GLP2R: variants seen among roughly 807,000 people sequenced by gnomAD.
The protein encoded by GLP2R is glucagon like peptide 2 receptor.
GLP2R carries 59 observed loss-of-function variants against 68.2 expected under a neutral mutation model. The observed-to-expected ratio is 0.87, with a 90% confidence interval of 0.70 to 1.07. GLP2R has a LOEUF of 1.07. Ranked by LOEUF, GLP2R falls within the 50% of genes least tolerant of loss-of-function variation. The pLI is 0.00. For missense variants in GLP2R, 548 were observed against 677.4 expected, an observed-to-expected ratio of 0.81 and a Z score of 2.12; for synonymous variants, 270 against 265.4, an observed-to-expected ratio of 1.02 and a Z score of -0.17.
In GLP2R at chr17:9,887,962, G is replaced by T. The variant is rs1376844700; in HGVS notation, c.1315G>T (p.Ala439Ser). Reference sequence around the variant, plus strand: ...CCTGGTGGCCTTGCAGTATGGTTTTGCCAATGGAGAGGTATGATTTCCACG... The same window carrying T: ...CCTGGTGGCCTTGCAGTATGGTTTTTCCAATGGAGAGGTATGATTTCCACG... The part of the protein sequence containing the change: ...GFLVALQYGF[A>S]NGEVKAELRK... Residue 439 changes from alanine to serine, a missense_variant, in exon 12 of 13, where the codon GCC becomes TCC. By Grantham distance (99) the Ala-to-Ser change is moderately conservative. Transcript: ENST00000262441. 6.2e-7 allele frequency: 1 copy of T among 1,611,910 alleles called. No homozygotes were observed. The highest frequency in any genetic ancestry group is 1.1e-5 in the South Asian group (1 of 91,034).
At chr17:9,885,195 C>G (rs2067232766) in intron 11 of GLP2R, among the ~76,000 whole-genome samples, 1 of 148,070 alleles carries the variant, frequency 6.8e-6, no homozygotes, top group Non-Finnish European at 1.5e-5. Flanking sequence ...TTACCATTAT[C>G]ATTATCATTT....
At chr17:9,829,851 A>G (rs1007289046) in intron 1 of GLP2R, among the ~76,000 whole-genome samples, 17 of 152,220 alleles carry the variant, frequency 1.1e-4, no homozygotes, top group Non-Finnish European at 8.8e-5. Flanking sequence ...AGTGAAGTGT[A>G]TTCCTTCTCT....
chr17:9,827,524 G>T (rs1378122120), intron 1 of GLP2R, among the ~76,000 whole-genome samples: 1 of 152,220 alleles, frequency 6.6e-6, no homozygotes, highest in Non-Finnish European at 1.5e-5. Context: ...CGTTGGGCAT[G>T]CTGGTAGCTT....
rs145296340 is a variant in GLP2R at position 9,860,036 on chromosome 17, C to T, written c.860C>T (p.Thr287Met). The T allele has an allele frequency of 2.3e-3, 3,637 of 1,613,602 alleles. 5 individuals are homozygous for T. Among genetic ancestry groups the T allele is most frequent in the Non-Finnish European group, 2.9e-3 (3,403 of 1,179,798 alleles). ...CTGGTTGAAGGCCTCTACCTCCACA[C>T]GCTGCTGGAGCCCACAGTGCTTCCT... ...WLLVEGLYLH[T>M]LLEPTVLPER... Residue 287 changes from threonine (T) to methionine (M), a missense_variant, in exon 7 of 13, where the codon ACG (threonine) becomes ATG (methionine). Thr to Met is a moderately conservative substitution (Grantham distance 81, BLOSUM62 -1). Transcript: ENST00000262441.
rs111771263 is a variant in GLP2R at position 9,856,058 on chromosome 17, G to A, written c.612-1365G>A. 4.4e-3 allele frequency among the ~76,000 whole-genome samples: 670 copies of A among 152,310 alleles called. 7 individuals are homozygous for A. The highest frequency in any genetic ancestry group is 0.015 in the African/African-American group (633 of 41,554). ...CTGGGCTCTGCTAGCCCTGGGTTGG[G>A]CCTCATGTGACTCCTCAATCCTGAG... On this transcript the variant is annotated intron_variant, in intron 5 of 12. Transcript: ENST00000262441.
At chr17:9,853,807 A>T (rs977562597) in intron 4 of GLP2R, among the ~76,000 whole-genome samples, 2 of 152,208 alleles carry the variant, frequency 1.3e-5, no homozygotes, top group African/African-American at 4.8e-5. Context: ...AAATAATGCC[A>T]ATTCTACATG....
At chr17:9,857,978 CTT>C (rs1314405182) in intron 6 of GLP2R, among the ~76,000 whole-genome samples, 7 of 152,156 alleles carry the variant, frequency 4.6e-5, no homozygotes, top group African/African-American at 1.2e-4. Context: ...CATGTACAGA[CTT>C]TTTTTTCCTT....
intron 5 of GLP2R, 125 bp from the exon 6 acceptor site, chr17:9,857,298 C>A: frequency 1.3e-6 from 1 of 782,684 alleles, no homozygotes. Context: ...TCCAGCAGTC[C>A]AGCTCTGCAG....
chr17:9,849,964 T>G (rs1224957505), intron 4 of GLP2R, among the ~76,000 whole-genome samples: 1 of 152,174 alleles, frequency 6.6e-6, no homozygotes, highest in Non-Finnish European at 1.5e-5. Flanking sequence ...TCTCAGATGT[T>G]TATGTTGGCT....
rs555366750 is a variant in GLP2R, at chr17:9,858,634, T to C, written c.765+1058T>C. Reference sequence around the variant, plus strand: ...CCAGAGGTTTCTTTATTGGTAAGTTTTAAACTATGGATTAATTACGAATCT... The same window carrying C: ...CCAGAGGTTTCTTTATTGGTAAGTTCTAAACTATGGATTAATTACGAATCT... On this transcript the variant is annotated intron_variant, in intron 6 of 12. Coordinates refer to ENST00000262441, the MANE Select transcript of GLP2R (RefSeq NM_004246.3). Among the ~76,000 whole-genome samples the C allele has an allele frequency of 2.6e-5, 4 of 152,372 alleles. No homozygotes were observed. In the South Asian group the frequency reaches 8.3e-4, roughly 32 times the overall value.
intron 10 of GLP2R, among the ~76,000 whole-genome samples, chr17:9,877,224 ATTTAAATAAACAAAAGG>A (rs1355247253): frequency 6.6e-6 from 1 of 152,248 alleles, no homozygotes; most frequent in Admixed American, 6.5e-5. Flanking sequence ...AAATGGAACC[ATTTAAATAAACAAAAGG>A]TTATGGATGA....
At chr17:9,855,408 A>T (rs1258120490) in intron 5 of GLP2R, among the ~76,000 whole-genome samples, 1 of 152,190 alleles carries the variant, frequency 6.6e-6, no homozygotes, top group Non-Finnish European at 1.5e-5. Context: ...TGGATTAGAC[A>T]CCTGCTGTGC....
chr17:9,835,839 G>A (rs1157446115), intron 2 of GLP2R, among the ~76,000 whole-genome samples: 11 of 151,924 alleles, frequency 7.2e-5, no homozygotes, highest in East Asian at 1.9e-4. Flanking sequence ...TCAGGAGTTC[G>A]AGACCAGCCT....
intron 7 of GLP2R, 41 bp from the exon 8 acceptor site, chr17:9,861,098 C>A (rs781512062): frequency 6.5e-7 from 1 of 1,549,730 alleles, no homozygotes; most frequent in Non-Finnish European, 8.9e-7. Context: ...CAGGTTTGGC[C>A]AACCAACTCC....
At chr17:9,864,928 C>G (rs971275499) in intron 9 of GLP2R, among the ~76,000 whole-genome samples, 6 of 152,154 alleles carry the variant, frequency 3.9e-5, no homozygotes, top group Non-Finnish European at 8.8e-5. Flanking sequence ...TTCTAGTTTC[C>G]CTTGGTGCTT....
At chr17:9,880,555 GA>G (rs1355773783) in intron 11 of GLP2R, 39 bp downstream of exon 11, 1 of 1,458,680 alleles carries the variant, frequency 6.9e-7, no homozygotes. Flanking sequence ...TGACTTTGGA[GA>G]AAACAAAATG....
intron 9 of GLP2R, among the ~76,000 whole-genome samples, 174 bp from the exon 10 acceptor site, chr17:9,870,573 C>T (rs1393804561): frequency 1.3e-5 from 2 of 152,090 alleles, no homozygotes; most frequent in Non-Finnish European, 2.9e-5. Flanking sequence ...TTCAGATGGC[C>T]TTTAGGACAG....
At chr17:9,882,991 C>CA (rs3073990) in intron 11 of GLP2R, among the ~76,000 whole-genome samples, 7,433 of 125,998 alleles carry the variant, frequency 0.059, 483 homozygotes, top group African/African-American at 0.16. Context: ...ATACTCAGGA[C>CA]AAAAAAAAAA....
chr17:9,846,300 G>A (rs555830994), intron 4 of GLP2R, among the ~76,000 whole-genome samples: 2 of 152,260 alleles, frequency 1.3e-5, no homozygotes, highest in South Asian at 4.2e-4. Flanking sequence ...GGTAGATATG[G>A]GGCGATACCA....
Sources: gnomAD v4.1 joint callset for allele counts (sites outside exome capture counted in the v4.1 genomes callset) on GRCh38, gnomAD v4.1.1 for gene constraint, MANE v1.5 for transcripts, NCBI Gene and HGNC (gene_info 2026-07-23, HGNC 2026-07-21) for gene names.